Variants in NCLN observed in about 807,000 individuals in gnomAD.
The protein encoded by NCLN is nicalin.
Under a neutral mutation model 69.5 loss-of-function variants are expected in NCLN, and 34 were observed. The observed-to-expected ratio is 0.49, with a 90% CI of 0.37 to 0.65. The LOEUF (loss-of-function observed/expected upper bound fraction) is 0.65. NCLN is among the 30% of genes least tolerant of loss of function. The pLI, the probability that NCLN is intolerant of heterozygous loss-of-function variation, is 0.00. For missense variants in NCLN, 710 were observed against 804.8 expected (o/e 0.88, Z 1.42); for synonymous variants, 393 against 358.3 (o/e 1.10, Z -1.09).
rs1916332649 is a variant in NCLN, at chr19:3,208,294, C to T, written c.*606C>T. 6.6e-6 allele frequency: 1 copy of T among 152,338 alleles called. No individual in the cohort carries two copies. 9.4% of individuals were successfully genotyped at this position (152,338 alleles called of 1,614,324 possible). ...AGTGACCCGTCCCCCTGACAGTGGG[C>T]TCGGGGAGCTGCATCACCCAGCCTT... On this transcript the variant is annotated 3_prime_UTR_variant, in exon 15 of 15. Transcript: ENST00000246117.
intron 1 of NCLN, 40 bp downstream of exon 1, chr19:3,186,254 C>T (rs1915666824): frequency 7.0e-7 from 1 of 1,420,004 alleles, no homozygotes; most frequent in East Asian, 3.0e-5. Flanking sequence ...CCCCGGGCTC[C>T]CCGGCCACGC....
rs554043248 is a variant in NCLN, at chr19:3,195,796, A to T, written c.521-387A>T. 5.2e-4 allele frequency among the ~76,000 whole-genome samples: 79 copies of T among 151,348 alleles called. 1 individual carries two copies. In the South Asian group the frequency reaches 5.9e-3, roughly 11 times the overall value. ...ACAGCATGAGACCCTGTCTCAAATT[A>T]AAAAAAAAGTTGTGTTTTTAAAATG... On this transcript the variant is annotated intron_variant, in intron 3 of 14. Transcript: ENST00000246117.
chr19:3,200,706 C>T (rs779373405), intron 5 of NCLN, among the ~76,000 whole-genome samples: 18 of 152,174 alleles, frequency 1.2e-4, no homozygotes, highest in Admixed American at 2.0e-4. Context: ...GTCTCCACCT[C>T]TAATTCCAGA....
rs373693968 is a variant in NCLN, at chr19:3,201,618, G to A, written c.792G>A (p.Thr264=). The A allele has an allele frequency of 6.3e-5, 96 of 1,518,184 alleles. No homozygotes were observed. The highest frequency in any genetic ancestry group is 1.4e-4 in the South Asian group (12 of 84,294). The allele number at this position is 1,518,184 out of a possible 1,614,324, so 94.0% of individuals were successfully genotyped here. The part of the protein sequence containing the change: ...LFSRLYTYKR[T]HAAYNLLFFA... ...CCCGGCTCTACACCTACAAGCGCAC[G>A]CACGCCGCGTGAGTGCCGGGGTGGG... The change falls in exon 6 of 15, where the codon ACG becomes ACA. Residue 264 remains threonine, a synonymous_variant. Coordinates refer to ENST00000246117, the MANE Select transcript of NCLN (RefSeq NM_020170.4).
At chr19:3,195,295 A>G (rs1305384402) in intron 3 of NCLN, among the ~76,000 whole-genome samples, 3 of 151,072 alleles carry the variant, frequency 2.0e-5, no homozygotes, top group Admixed American at 6.6e-5. Flanking sequence ...TGTCACCCAG[A>G]CTGGAGTGCA....
chr19:3,208,103 C>T lies in NCLN; in HGVS notation c.*415C>T. On this transcript the variant is annotated 3_prime_UTR_variant, in exon 15 of 15. Transcript: ENST00000246117. The stretch of plus-strand genomic sequence containing the variant: ...AAGGGGCCTGGACTGCAGGCCTGAC[C>T]TGCTCCCTGCTCCGTGTCTGTCCTA... The T allele has an allele frequency of 5.1e-6, 1 of 195,638 alleles. No individual in the cohort carries two copies. Among genetic ancestry groups the T allele is most frequent in the South Asian group, 9.9e-5 (1 of 10,120 alleles). The allele number at this position is 195,638 out of a possible 1,614,324, so 12.1% of individuals were successfully genotyped here. A position where few individuals can be genotyped will look rare whatever the true frequency, so the allele number is the denominator to read the frequency against.
chr19:3,189,885 G>A (rs1915767974), intron 1 of NCLN, among the ~76,000 whole-genome samples: 1 of 152,228 alleles, frequency 6.6e-6, no homozygotes, highest in Non-Finnish European at 1.5e-5. Context: ...GACGCGAGGC[G>A]GGGCTCCGAT....
chr19:3,204,285 G>T (rs1023073524), intron 8 of NCLN, 141 bp downstream of exon 8: 1 of 1,133,028 alleles, frequency 8.8e-7, no homozygotes, highest in African/African-American at 1.6e-5. Flanking sequence ...TCGGGCTGGG[G>T]TGTTCTGTCC....
chr19:3,186,386 T>C (rs1915670152), intron 1 of NCLN, among the ~76,000 whole-genome samples, 172 bp downstream of exon 1: 1 of 151,940 alleles, frequency 6.6e-6, no homozygotes, highest in Admixed American at 6.5e-5. Flanking sequence ...CTGGAATCCC[T>C]GCTCTCCTTG....
intron 4 of NCLN, among the ~76,000 whole-genome samples, chr19:3,198,519 A>G (rs4806915): frequency 6.7e-6 from 1 of 149,224 alleles, no homozygotes; most frequent in Non-Finnish European, 1.5e-5. Context: ...AAAAAAAAAA[A>G]AAAACACAAA....
Position 3,186,013 on chromosome 19 carries a change from G to A in NCLN, c.-18G>A, listed in dbSNP as rs774477306. The A allele has an allele frequency of 6.5e-7, 1 of 1,528,390 alleles. No homozygotes were observed. The highest frequency in any genetic ancestry group is 1.2e-5 in the South Asian group (1 of 81,900). The allele number at this position is 1,528,390 out of a possible 1,614,324, so 94.7% of individuals were successfully genotyped here. On this transcript the variant is annotated 5_prime_UTR_variant, in exon 1 of 15. Coordinates refer to ENST00000246117, the MANE Select transcript of NCLN (RefSeq NM_020170.4). ...CCCGTCCCAGCTGCCGCCCCGCGCGGCCCCGCCGCCGGCCAGGATGCTGGA... is the reference window on the plus strand; with the variant it reads ...CCCGTCCCAGCTGCCGCCCCGCGCGACCCCGCCGCCGGCCAGGATGCTGGA...
At chr19:3,186,690 C>G (rs929521103) in intron 1 of NCLN, among the ~76,000 whole-genome samples, 6 of 152,244 alleles carry the variant, frequency 3.9e-5, no homozygotes, top group African/African-American at 1.4e-4. Flanking sequence ...TCTGGATTCA[C>G]TGGGTCACGT....
At chr19:3,198,484 GC>G (rs1414834873) in intron 4 of NCLN, among the ~76,000 whole-genome samples, 16 of 149,274 alleles carry the variant, frequency 1.1e-4, no homozygotes, top group African/African-American at 4.0e-4. Flanking sequence ...TCCAGCCTGG[GC>G]GACAGAGTGA....
chr19:3,204,848 G>A (rs890052581), intron 9 of NCLN, 97 bp downstream of exon 9: 44 of 1,252,830 alleles, frequency 3.5e-5, no homozygotes, highest in Admixed American at 1.1e-4. Context: ...TGGAGGGAGC[G>A]GCCCCCACAC....
At chr19:3,195,313 A>G (rs935821527) in intron 3 of NCLN, among the ~76,000 whole-genome samples, 8 of 151,758 alleles carry the variant, frequency 5.3e-5, no homozygotes, top group Non-Finnish European at 1.5e-5. Flanking sequence ...GCAGTGGCAC[A>G]ATCTCGGCTC....
At chr19:3,200,559 C>T (rs1425892880) in intron 5 of NCLN, among the ~76,000 whole-genome samples, 1 of 152,058 alleles carries the variant, frequency 6.6e-6, no homozygotes, top group Admixed American at 6.6e-5. Flanking sequence ...ATCTGCCCAT[C>T]TTGGCCTCCC....
chr19:3,209,474 A>G lies in NCLN; in HGVS notation c.*1786A>G, dbSNP rs1405769328. The G allele has an allele frequency of 6.6e-6, 1 of 152,246 alleles. No individual in the cohort carries two copies. The highest frequency in any genetic ancestry group is 2.4e-5 in the African/African-American group (1 of 41,454). 9.4% of individuals were successfully genotyped at this position (152,246 alleles called of 1,614,324 possible). A position where few individuals can be genotyped will look rare whatever the true frequency, so the allele number is the denominator to read the frequency against. ...GGGAGCTTCCTTCCTTCCTTCCTGG[A>G]CAGGTCGTCATGATGGATGCACTGA... On this transcript the variant is annotated 3_prime_UTR_variant, in exon 15 of 15. Transcript: ENST00000246117.
At chr19:3,199,996 A>C (rs1362772110) in intron 5 of NCLN, among the ~76,000 whole-genome samples, 1 of 151,910 alleles carries the variant, frequency 6.6e-6, no homozygotes, top group Non-Finnish European at 1.5e-5. Flanking sequence ...CACCGCACCC[A>C]GTCCTGCCTC....
At chr19:3,196,401 C>G in intron 4 of NCLN, 124 bp downstream of exon 4, 1 of 688,458 alleles carries the variant, frequency 1.5e-6, no homozygotes, top group Non-Finnish European at 2.4e-6. Context: ...GATCGCCCCC[C>G]TGCCTGGCTG....
Sources: allele counts gnomAD v4.1 joint callset (sites outside exome capture counted in the v4.1 genomes callset), GRCh38; gene constraint gnomAD v4.1.1; transcripts MANE v1.5; gene names NCBI Gene and HGNC (gene_info 2026-07-23, HGNC 2026-07-21).